Variants in ZCCHC10 observed in about 807,000 individuals in gnomAD.
ZCCHC10 encodes the protein zinc finger CCHC-type containing 10.
A neutral mutation model predicts 19.5 loss-of-function variants in ZCCHC10; 16 were observed. The ratio of observed to expected loss-of-function variants is 0.82; its 90% CI spans 0.56 to 1.25. ZCCHC10 has a LOEUF of 1.25. ZCCHC10 is among the 50% of genes most tolerant of loss of function. ZCCHC10 has a pLI of 0.00. For missense variants in ZCCHC10, 197 were observed against 201.0 expected, an observed-to-expected ratio of 0.98 and a Z score of 0.12; for synonymous variants, 67 against 72.5, an observed-to-expected ratio of 0.92 and a Z score of 0.38.
At chr5:133,004,854 A>G (rs1763008444) in intron 3 of ZCCHC10, among the ~76,000 whole-genome samples, 2 of 152,170 alleles carry the variant, frequency 1.3e-5, no homozygotes, top group Non-Finnish European at 2.9e-5. Context: ...ATTGGAATGG[A>G]AAGACTTTTG....
chr5:133,007,299 T>C (rs888614234), intron 2 of ZCCHC10, among the ~76,000 whole-genome samples: 3 of 152,118 alleles, frequency 2.0e-5, no homozygotes, highest in African/African-American at 7.2e-5. Flanking sequence ...TCCCAGCACT[T>C]TGGGAGGCTA....
chr5:133,002,519 C>A (rs976512384), intron 3 of ZCCHC10, among the ~76,000 whole-genome samples: 4 of 152,022 alleles, frequency 2.6e-5, no homozygotes, highest in East Asian at 1.9e-4. Context: ...ATTTTCATAA[C>A]CCGTATTTCA....
intron 2 of ZCCHC10, among the ~76,000 whole-genome samples, chr5:133,007,980 C>T (rs190647657): frequency 1.3e-5 from 2 of 152,056 alleles, no homozygotes; most frequent in Middle Eastern, 3.4e-3. Flanking sequence ...AATCCCAGCA[C>T]TTTGGGAGGC....
Position 132,998,542 on chromosome 5 carries a change from C to G in ZCCHC10, c.*41G>C. The stretch of plus-strand genomic sequence containing the variant: ...CTAAATTCCCTTTCAAGAATCACAT[C>G]AATGTTTTCAGTCCATCAGTCCAAT... On this transcript the variant is annotated 3_prime_UTR_variant, in exon 5 of 5. Coordinates refer to ENST00000509437, the MANE Select transcript of ZCCHC10 (RefSeq NM_001300816.3). 2 of 1,562,028 alleles carry G rather than the reference C, an allele frequency of 1.3e-6. No homozygotes were observed. The highest frequency in any genetic ancestry group is 2.3e-5 in the South Asian group (2 of 87,894).
intron 2 of ZCCHC10, among the ~76,000 whole-genome samples, chr5:133,012,731 A>G (rs1248768271): frequency 1.3e-5 from 2 of 151,786 alleles, no homozygotes; most frequent in Non-Finnish European, 2.9e-5. Flanking sequence ...CCTGGACAAC[A>G]TGGTGAAACC....
At chr5:133,019,267 G>T (rs1214639169) in intron 2 of ZCCHC10, 1 of 246,056 alleles carries the variant, frequency 4.1e-6, no homozygotes, top group Non-Finnish European at 8.2e-6. Context: ...TATTTTATAT[G>T]TATGTTTTAA....
At position 132,999,065 on chromosome 5, in the gene ZCCHC10, A is replaced by G. The variant is rs549316472; in HGVS notation, c.312-215T>C. ...CAAGTAGCCAGGATTACAGGTGCGC[A>G]CACCGACGCCCAGATGATTTTTGTA... On this transcript the variant is annotated intron_variant, in intron 4 of 4. Coordinates refer to ENST00000509437, the MANE Select transcript of ZCCHC10 (RefSeq NM_001300816.3). 1.6e-3 allele frequency among the ~76,000 whole-genome samples: 241 copies of G among 152,070 alleles called. 1 individual carries two copies. Among genetic ancestry groups the G allele is most frequent in the African/African-American group, 5.6e-3 (231 of 41,476 alleles).
chr5:132,998,661 G>C lies in ZCCHC10; in HGVS notation c.501C>G (p.Ser167=), dbSNP rs747558724. The stretch of plus-strand genomic sequence containing the variant: ...TGGTGCTACTGCTACTGGAAGAGCT[G>C]GAATCTGAGTCTGAATCAGAGGAGG... ...SSSSSDSDSD[S]SSSSSSSTST... The change falls in exon 5 of 5, where the codon TCC becomes TCG. Residue 167 remains serine, a synonymous_variant. Coordinates refer to ENST00000509437, the MANE Select transcript of ZCCHC10 (RefSeq NM_001300816.3). 1 of 1,613,984 alleles carries C rather than the reference G, an allele frequency of 6.2e-7. No homozygotes were observed. The highest frequency in any genetic ancestry group is 1.3e-5 in the African/African-American group (1 of 74,900).
At chr5:133,012,428 A>G (rs1443882128) in intron 2 of ZCCHC10, among the ~76,000 whole-genome samples, 2 of 151,866 alleles carry the variant, frequency 1.3e-5, no homozygotes, top group African/African-American at 4.8e-5. Context: ...AGATCACACA[A>G]CTGCACTCCA....
intron 2 of ZCCHC10, among the ~76,000 whole-genome samples, chr5:133,009,528 G>C (rs1763354106): frequency 1.4e-5 from 2 of 141,322 alleles, no homozygotes; most frequent in East Asian, 4.6e-4. Context: ...CAGGAGAATT[G>C]TTTGAACTTA....
chr5:133,007,737 T>G (rs1561540026), intron 2 of ZCCHC10, among the ~76,000 whole-genome samples: 1 of 152,150 alleles, frequency 6.6e-6, no homozygotes, highest in South Asian at 2.1e-4. Context: ...TGGGTATGTC[T>G]TTATCAGCAG....
chr5:133,009,726 A>G (rs192254113), intron 2 of ZCCHC10, among the ~76,000 whole-genome samples: 1 of 151,992 alleles, frequency 6.6e-6, no homozygotes, highest in Non-Finnish European at 1.5e-5. Flanking sequence ...CAGGGTAAGC[A>G]TCACATATTA....
In ZCCHC10 at chr5:133,008,470, G is replaced by A. The variant is rs182863458; in HGVS notation, c.108-1550C>T. Among the ~76,000 whole-genome samples the A allele has an allele frequency of 2.8e-3, 417 of 149,526 alleles. 3 individuals are homozygous for A. The highest frequency in any genetic ancestry group is 6.5e-3 in the African/African-American group (263 of 40,478). On this transcript the variant is annotated intron_variant, in intron 2 of 4. Transcript: ENST00000509437. ...GGAGAATCATTTGAACCTGGGAGGC[G>A]GAGGTTGCAGTGAGCCGAGATTGCG...
At position 133,019,193 on chromosome 5, in the gene ZCCHC10, CA is replaced by C. The variant is rs561646341; in HGVS notation, c.107+3647del. ...CTCAGGAGTTTGAGACCAGCCTGGG[CA>C]ACACTGTCTCTAAAAAAAAAAAACA... On this transcript the variant is annotated intron_variant, in intron 2 of 4. Coordinates refer to ENST00000509437, the MANE Select transcript of ZCCHC10 (RefSeq NM_001300816.3). The C allele has an allele frequency of 1.3e-3, 459 of 363,668 alleles. 13 individuals are homozygous for C. Among genetic ancestry groups the C allele is most frequent in the South Asian group, 8.7e-3 (454 of 52,012 alleles). 22.5% of individuals were successfully genotyped at this position (363,668 alleles called of 1,614,324 possible).
chr5:133,025,109 C>T (rs1764584481), intron 1 of ZCCHC10, among the ~76,000 whole-genome samples: 1 of 152,036 alleles, frequency 6.6e-6, no homozygotes, highest in Admixed American at 6.6e-5. Flanking sequence ...TACTAGCAGA[C>T]TCTGAGCTAC....
intron 3 of ZCCHC10, among the ~76,000 whole-genome samples, chr5:133,005,228 A>G (rs924125720): frequency 1.3e-5 from 2 of 152,030 alleles, no homozygotes; most frequent in African/African-American, 4.8e-5. Context: ...CCTGGGAAGC[A>G]GAGGTCGAAG....
At position 132,998,569 on chromosome 5, in the gene ZCCHC10, T is replaced by C. The variant is rs1222275420; in HGVS notation, c.*14A>G. ...ATGTTTTCAGTCCATCAGTCCAATA[T>C]GAATGGAGCAACTCTATTTCTTTTT... On this transcript the variant is annotated 3_prime_UTR_variant, in exon 5 of 5. Transcript: ENST00000509437. The C allele has an allele frequency of 1.2e-6, 2 of 1,607,770 alleles. No individual in the cohort carries two copies. The highest frequency in any genetic ancestry group is 1.7e-5 in the Admixed American group (1 of 59,924).
chr5:133,003,169 C>A, intron 3 of ZCCHC10: 1 of 351,900 alleles, frequency 2.8e-6, no homozygotes, highest in South Asian at 2.6e-5. Flanking sequence ...GTTGATCCCC[C>A]TTTTTGTATT....
intron 2 of ZCCHC10, among the ~76,000 whole-genome samples, chr5:133,020,179 T>C (rs186371613): frequency 5.9e-4 from 89 of 151,534 alleles, no homozygotes; most frequent in African/African-American, 2.1e-3. Flanking sequence ...AAAAATAAAA[T>C]TGTGGCCAGG....
Sources: allele counts gnomAD v4.1 joint callset (sites outside exome capture counted in the v4.1 genomes callset), GRCh38; gene constraint gnomAD v4.1.1; transcripts MANE v1.5; gene names NCBI Gene and HGNC (gene_info 2026-07-23, HGNC 2026-07-21).